Variants in RP1 observed in about 807,000 individuals in gnomAD.
The protein encoded by RP1 is oxygen-regulated protein 1.
In RP1, 16 loss-of-function variants were observed where a neutral mutation model predicts 14.8. That is an observed-to-expected ratio of 1.08 (90% CI 0.73 to 1.65). The LOEUF is 1.65. Ranked by LOEUF, RP1 falls within the 40% of genes most tolerant of loss-of-function variation. The pLI, the probability that RP1 is intolerant of heterozygous loss-of-function variation, is 0.00. For missense variants in RP1, 2,631 were observed against 2,535.0 expected (o/e 1.04, Z -0.81); for synonymous variants, 876 against 883.6 (o/e 0.99, Z 0.15).
intron 27 of RP1, among the ~76,000 whole-genome samples, chr8:54,861,902 T>C (rs1812351151): frequency 6.6e-6 from 1 of 152,156 alleles, no homozygotes; most frequent in Admixed American, 6.5e-5. Flanking sequence ...GGGCACAGCC[T>C]GAAAGAAACT....
chr8:54,776,652 G>A (rs866691909), intron 23 of RP1, among the ~76,000 whole-genome samples: 4 of 152,204 alleles, frequency 2.6e-5, no homozygotes, highest in African/African-American at 4.8e-5. Flanking sequence ...GCAATAGGAC[G>A]TGGAAGAGGT....
intron 19 of RP1, among the ~76,000 whole-genome samples, chr8:54,747,511 C>A (rs1809255585): frequency 6.6e-6 from 1 of 152,230 alleles, no homozygotes; most frequent in Non-Finnish European, 1.5e-5. Context: ...ATAATCCCAA[C>A]TCCTACAGTA....
chr8:54,661,149 A>G (rs914193348), intron 6 of RP1, among the ~76,000 whole-genome samples: 1 of 148,070 alleles, frequency 6.8e-6, no homozygotes, highest in African/African-American at 2.5e-5. Context: ...CTATTAAAAA[A>G]TATAAAATTA....
chr8:54,792,132 G>A (rs1208593060), intron 24 of RP1, among the ~76,000 whole-genome samples: 1 of 151,866 alleles, frequency 6.6e-6, no homozygotes, highest in Non-Finnish European at 1.5e-5. Context: ...TAATGATAAA[G>A]GGATCAATTT....
At chr8:54,808,181 A>G (rs947421433) in intron 24 of RP1, among the ~76,000 whole-genome samples, 11 of 152,228 alleles carry the variant, frequency 7.2e-5, no homozygotes, top group African/African-American at 2.4e-4. Context: ...CTCTCCTCCC[A>G]GAATCAGGAG....
At chr8:54,574,934 T>C (rs2129294350) in intron 1 of RP1, among the ~76,000 whole-genome samples, 1 of 152,258 alleles carries the variant, frequency 6.6e-6, no homozygotes, top group South Asian at 2.1e-4. Context: ...GCTAACCCTA[T>C]CAAGGGATTC....
In RP1 at chr8:54,626,347, T is replaced by A. The variant is rs747029487; in HGVS notation, c.2465T>A (p.Val822Glu). The part of the protein sequence containing the change: ...STFENKSLFH[V>E]FNILEQKPKD... ...TTTGAAAACAAAAGTTTATTTCATG[T>A]ATTTAACATCCTTGAGCAAAAACCC... Residue 822 changes from valine to glutamate, a missense_variant, in exon 4 of 4, where the codon GTA becomes GAA. Physicochemically the swap from Val to Glu is moderately radical, Grantham distance 121. Transcript: ENST00000220676. The A allele has an allele frequency of 8.7e-6, 14 of 1,613,652 alleles. No homozygotes were observed. The highest frequency in any genetic ancestry group is 9.3e-6 in the Non-Finnish European group (11 of 1,179,870).
At chr8:54,583,530 G>A (rs1418656160) in intron 1 of RP1, among the ~76,000 whole-genome samples, 1 of 152,108 alleles carries the variant, frequency 6.6e-6, no homozygotes, top group Non-Finnish European at 1.5e-5. Context: ...GAGTTAGGGA[G>A]GATTCCCTCT....
chr8:54,627,629 C>T lies in RP1; in HGVS notation c.3747C>T (p.Val1249=). 1 of 1,614,172 alleles carries T rather than the reference C, an allele frequency of 6.2e-7. No individual in the cohort carries two copies. The highest frequency in any genetic ancestry group is 8.5e-7 in the Non-Finnish European group (1 of 1,179,996). Residue 1249 remains valine, a synonymous_variant, in exon 4 of 4, where the codon GTC becomes GTT. Transcript: ENST00000220676. ...CCAGTGAGGCATGTGCCCCTGAAGTCTGTGTTTTGGAAGTGACTTGCTCTC... is the reference window on the plus strand; with the variant it reads ...CCAGTGAGGCATGTGCCCCTGAAGTTTGTGTTTTGGAAGTGACTTGCTCTC... ...CSASEACAPE[V]CVLEVTCSPC... is the part of the protein sequence containing the mutation.
exon 6 of RP1, chr8:54,656,146 C>A: frequency 6.5e-7 from 1 of 1,535,212 alleles, no homozygotes; most frequent in South Asian, 1.2e-5. Context: ...ATGGTTGGCA[C>A]GAGATCAAGA....
At chr8:54,650,347 AG>A (rs764166210) in intron 4 of RP1, among the ~76,000 whole-genome samples, 1 of 152,106 alleles carries the variant, frequency 6.6e-6, no homozygotes, top group African/African-American at 2.4e-5. Flanking sequence ...TTTTCTTGTA[AG>A]GGTTCTTAGG....
At chr8:54,606,187 T>C (rs1805437671) in intron 1 of RP1, among the ~76,000 whole-genome samples, 1 of 152,226 alleles carries the variant, frequency 6.6e-6, no homozygotes, top group Non-Finnish European at 1.5e-5. Context: ...GTACCGGTTG[T>C]TCCTTTGCAT....
At chr8:54,766,663 C>T (rs546653954) in intron 22 of RP1, among the ~76,000 whole-genome samples, 2 of 152,276 alleles carry the variant, frequency 1.3e-5, no homozygotes, top group East Asian at 3.9e-4. Context: ...CTCCTTACCT[C>T]GTTATACATC....
At chr8:54,834,726 T>G (rs1053709379) in intron 24 of RP1, among the ~76,000 whole-genome samples, 1 of 151,980 alleles carries the variant, frequency 6.6e-6, no homozygotes, top group African/African-American at 2.4e-5. Flanking sequence ...CCCTAATAAT[T>G]TTTAGTGTTT....
chr8:54,664,714 C>A (rs574850085), intron 7 of RP1, among the ~76,000 whole-genome samples: 58 of 152,180 alleles, frequency 3.8e-4, no homozygotes, highest in Non-Finnish European at 6.5e-4. Flanking sequence ...AAGTCCTTTG[C>A]CCATTTTAGG....
chr8:54,624,443 C>CAAAAAAAAAAAAAAAAA (rs11332494), intron 3 of RP1, among the ~76,000 whole-genome samples: 43 of 56,590 alleles, frequency 7.6e-4, no homozygotes, highest in Non-Finnish European at 1.0e-3. Context: ...GACTCTGTCT[C>CAAAAAAAAAAAAAAAAA]AAAAAAAAAA....
At chr8:54,844,081 G>A (rs951578823) in intron 25 of RP1, among the ~76,000 whole-genome samples, 1 of 152,216 alleles carries the variant, frequency 6.6e-6, no homozygotes. Flanking sequence ...TGGTTATTTG[G>A]TTATGTCCAC....
At chr8:54,812,807 A>C (rs1043902605) in intron 24 of RP1, among the ~76,000 whole-genome samples, 1 of 121,166 alleles carries the variant, frequency 8.3e-6, no homozygotes, top group East Asian at 2.0e-4. Context: ...CTATCTATCT[A>C]TCTCTCCGTC....
chr8:54,796,776 G>A (rs770899703), intron 24 of RP1, among the ~76,000 whole-genome samples: 2 of 152,110 alleles, frequency 1.3e-5, no homozygotes, highest in Non-Finnish European at 2.9e-5. Flanking sequence ...ATAAGTATCC[G>A]TTGTTTTAAG....
Sources: allele counts gnomAD v4.1 joint callset (sites outside exome capture counted in the v4.1 genomes callset), GRCh38; gene constraint gnomAD v4.1.1; transcripts MANE v1.5; gene names NCBI Gene and HGNC (gene_info 2026-07-23, HGNC 2026-07-21).